The following RECQL5 variants were observed in gnomAD, a reference collection of about 807,000 sequenced individuals.
RECQL5 encodes RecQ like helicase 5.
RECQL5 carries 88 observed loss-of-function variants against 103.4 expected under a neutral mutation model. That is an observed-to-expected ratio of 0.85 (90% CI 0.72 to 1.02). The LOEUF (loss-of-function observed/expected upper bound fraction) is 1.02. RECQL5 is among the 50% of genes least tolerant of loss of function. The probability of loss-of-function intolerance (pLI) is 0.00; values close to 1 mark genes in which losing one functional copy is unlikely to be tolerated. For synonymous variants in RECQL5, 552 were observed against 507.9 expected, an observed-to-expected ratio of 1.09 and a Z score of -1.17; for missense variants, 1,232 against 1,284.3, an observed-to-expected ratio of 0.96 and a Z score of 0.62.
chr17:75,633,374 C>T, intron 8 of RECQL5: 1 of 1,209,872 alleles, frequency 8.3e-7, no homozygotes, highest in Non-Finnish European at 1.1e-6. Context: ...AGGCAAATGT[C>T]ACAGGGCCCG....
Position 75,630,803 on chromosome 17 carries a change from C to T in RECQL5, c.1620G>A (p.Arg540=). Residue 540 remains arginine (R), a synonymous_variant, in exon 12 of 20, where the codon AGG becomes AGA. Coordinates refer to ENST00000317905, the MANE Select transcript of RECQL5 (RefSeq NM_004259.7). The part of the protein sequence containing the change: ...ENCPLKEASS[R]RIPRLTVKAR... Reference sequence around the variant, plus strand: ...CCTTCACAGTCAGCCTGGGGATCCTCCTGCTAGAAGCCTCTTTCAGGGGAC... The same window carrying T: ...CCTTCACAGTCAGCCTGGGGATCCTTCTGCTAGAAGCCTCTTTCAGGGGAC... 3.9e-6 allele frequency: 6 copies of T among 1,528,214 alleles called. No individual in the cohort carries two copies. The highest frequency in any genetic ancestry group is 1.2e-5 in the South Asian group (1 of 80,908). The allele number at this position is 1,528,214 out of a possible 1,614,324, so 94.7% of individuals were successfully genotyped here.
At chr17:75,656,221 C>T (rs987571865) in intron 7 of RECQL5, among the ~76,000 whole-genome samples, 1 of 152,176 alleles carries the variant, frequency 6.6e-6, no homozygotes, top group Admixed American at 6.5e-5. Flanking sequence ...GGATTACAGG[C>T]ATGCGCCACC....
rs756618668 is a variant in RECQL5, at chr17:75,631,465, T to A, written c.1433A>T (p.Tyr478Phe). The change falls in exon 9 of 20, where the codon TAC (tyrosine) becomes TTC (phenylalanine). Residue 478 changes from tyrosine to phenylalanine, a missense_variant. Coordinates refer to ENST00000317905, the MANE Select transcript of RECQL5 (RefSeq NM_004259.7). ...GGCCCCTTACCTGCTGAAGTCCCCGTAGCCCTTGCGGCCTCCCTCATACAG... is the reference window on the plus strand; with the variant it reads ...GGCCCCTTACCTGCTGAAGTCCCCGAAGCCCTTGCGGCCTCCCTCATACAG... ...PELYEGGRKG[Y>F]GDFSRYDEGS... The A allele has an allele frequency of 3.7e-6, 6 of 1,611,496 alleles. No individual in the cohort carries two copies. In the African/African-American group the frequency reaches 6.7e-5, roughly 18 times the overall value.
chr17:75,643,858 T>C (rs1194266092), intron 8 of RECQL5, among the ~76,000 whole-genome samples: 22 of 152,114 alleles, frequency 1.4e-4, no homozygotes, highest in Admixed American at 1.4e-3. Context: ...TCCTAAGTGG[T>C]CCCCACAATC....
rs773547796 is a variant in RECQL5 at position 75,661,614 on chromosome 17, T to C, written c.866A>G (p.Tyr289Cys). 1 of 1,613,832 alleles carries C rather than the reference T, an allele frequency of 6.2e-7. No individual in the cohort carries two copies. The highest frequency in any genetic ancestry group is 1.1e-5 in the South Asian group (1 of 91,064). ...LSCRGVNAKA[Y>C]HAGLKASERT... ...GCCTGGGTGCCCCTTACCTGCATGG[T>C]AAGCCTTGGCGTTCACACCCCTGCA... The change falls in exon 5 of 20, where the codon TAC becomes TGC. Residue 289 changes from tyrosine to cysteine, a missense_variant. Tyr to Cys is a radical substitution (Grantham distance 194, BLOSUM62 -2). Coordinates refer to ENST00000317905, the MANE Select transcript of RECQL5 (RefSeq NM_004259.7).
chr17:75,659,505 T>C (rs1167494303), intron 6 of RECQL5, among the ~76,000 whole-genome samples: 1 of 152,154 alleles, frequency 6.6e-6, no homozygotes, highest in Non-Finnish European at 1.5e-5. Context: ...TACAGGCACA[T>C]GCCACTATAC....
Position 75,629,141 on chromosome 17 carries a change from G to C in RECQL5, c.2282C>G (p.Ser761Cys), listed in dbSNP as rs765072951. 1.2e-6 allele frequency: 2 copies of C among 1,613,856 alleles called. No homozygotes were observed. Among genetic ancestry groups the C allele is most frequent in the Admixed American group, 3.3e-5 (2 of 60,022 alleles). Residue 761 changes from serine to cysteine, a missense_variant, in exon 16 of 20, where the codon TCT (serine) becomes TGT (cysteine). Physicochemically the swap from Ser to Cys is moderately radical, Grantham distance 112. Coordinates refer to ENST00000317905, the MANE Select transcript of RECQL5 (RefSeq NM_004259.7). ...QLLATAAHKD[S>C]QSIARFFCRR... Reference sequence around the variant, plus strand: ...GCAGAAGAAGCGGGCGATGCTCTGAGAATCCTTGTGGGCCGCTGTGGCTAG... The same window carrying C: ...GCAGAAGAAGCGGGCGATGCTCTGACAATCCTTGTGGGCCGCTGTGGCTAG...
At chr17:75,641,473 C>G (rs1217911207) in intron 8 of RECQL5, 1 of 152,802 alleles carries the variant, frequency 6.5e-6, no homozygotes, top group African/African-American at 2.4e-5. Flanking sequence ...TGGCTGGTGC[C>G]CGTCCTTCCC....
intron 15 of RECQL5, 60 bp downstream of exon 15, chr17:75,629,648 C>T: frequency 6.4e-7 from 1 of 1,551,284 alleles, no homozygotes; most frequent in Non-Finnish European, 8.7e-7. Flanking sequence ...CCCCTGAGGG[C>T]AGAGGGGAAG....
chr17:75,649,761 C>T (rs1355577322), intron 8 of RECQL5: 1 of 985,374 alleles, frequency 1.0e-6, no homozygotes, highest in African/African-American at 1.7e-5. Flanking sequence ...ATTTCAGAAT[C>T]ATCACATGTA....
intron 8 of RECQL5, chr17:75,647,619 C>T: frequency 6.6e-7 from 1 of 1,522,032 alleles, no homozygotes; most frequent in Non-Finnish European, 8.9e-7. Context: ...GACCTGCCCC[C>T]ATTCCAGTGG....
intron 2 of RECQL5, among the ~76,000 whole-genome samples, chr17:75,665,844 T>C (rs1482340742): frequency 1.3e-5 from 2 of 152,242 alleles, no homozygotes; most frequent in East Asian, 1.9e-4. Context: ...ACATGTATCA[T>C]TAATATTACA....
At chr17:75,630,559 G>T in intron 13 of RECQL5, 60 bp downstream of exon 13, 1 of 1,556,390 alleles carries the variant, frequency 6.4e-7, no homozygotes, top group Non-Finnish European at 8.9e-7. Flanking sequence ...ACAGGGTCCT[G>T]CAGTCTCCAA....
intron 8 of RECQL5, chr17:75,650,613 C>T (rs767376752): frequency 6.2e-7 from 1 of 1,607,796 alleles, no homozygotes; most frequent in South Asian, 1.1e-5. Flanking sequence ...TGTAAAAACT[C>T]CTCCTGGGTG....
At chr17:75,630,000 AG>A (rs144394644) in intron 14 of RECQL5, among the ~76,000 whole-genome samples, 158 bp from the exon 15 acceptor site, 6,608 of 150,602 alleles carry the variant, frequency 0.044, 165 homozygotes, top group Admixed American at 0.061. Context: ...CCATCCTCAC[AG>A]GGTTGGCTAG....
chr17:75,660,663 T>A (rs1199997017), intron 6 of RECQL5, among the ~76,000 whole-genome samples: 1 of 152,202 alleles, frequency 6.6e-6, no homozygotes, highest in African/African-American at 2.4e-5. Flanking sequence ...CACCTCCTCA[T>A]AGGATCCACC....
At position 75,630,795 on chromosome 17, in the gene RECQL5, G is replaced by T. The variant is rs867591729; in HGVS notation, c.1628C>A (p.Pro543His). 6.5e-7 allele frequency: 1 copy of T among 1,542,622 alleles called. No individual in the cohort carries two copies. ...PLKEASSRRI[P>H]RLTVKAREHC... ...GTCTCTTACCTTCACAGTCAGCCTG[G>T]GGATCCTCCTGCTAGAAGCCTCTTT... The change falls in exon 12 of 20, where the codon CCC becomes CAC. Residue 543 changes from proline to histidine, a missense_variant. Transcript: ENST00000317905.
chr17:75,664,912 CAAAAAAAAA>C lies in RECQL5; in HGVS notation c.252+130_252+138del, dbSNP rs371470695. ...TAGGCGACAGAGTAAGACTCTGTCT[CAAAAAAAAA>C]AAAAAAAAAGGAAAAAGAAAAAGAA... is the stretch of plus-strand genomic sequence containing the variant. On this transcript the variant is annotated intron_variant, in intron 3 of 19. Transcript: ENST00000317905. 36 of 929,054 alleles carry C rather than the reference CAAAAAAAAA, an allele frequency of 3.9e-5. 1 individual carries two copies. The African/African-American group carries it at 4.2e-4, about 11-fold the overall frequency. The allele number at this position is 929,054 out of a possible 1,614,324, so 57.6% of individuals were successfully genotyped here. A position where few individuals can be genotyped will look rare whatever the true frequency, so the allele number is the denominator to read the frequency against.
intron 1 of RECQL5, chr17:75,666,790 C>G (rs1156655950): frequency 2.5e-5 from 13 of 530,416 alleles, no homozygotes; most frequent in Non-Finnish European, 4.4e-5. Context: ...AAACATTGAA[C>G]TATTCCAGGC....
Sources: gnomAD v4.1 joint callset for allele counts (sites outside exome capture counted in the v4.1 genomes callset) on GRCh38, gnomAD v4.1.1 for gene constraint, MANE v1.5 for transcripts, NCBI Gene and HGNC (gene_info 2026-07-23, HGNC 2026-07-21) for gene names.